The following MARCHF1 variants were observed in gnomAD, a reference collection of about 807,000 sequenced individuals.
The protein encoded by MARCHF1 is membrane associated ring-CH-type finger 1.
Under a neutral mutation model 54.2 loss-of-function variants are expected in MARCHF1, and 40 were observed. That is an observed-to-expected ratio of 0.74 (90% CI 0.57 to 0.96). The LOEUF (loss-of-function observed/expected upper bound fraction) is 0.96. Ranked by LOEUF, MARCHF1 falls within the 40% of genes least tolerant of loss-of-function variation. The pLI, the probability that MARCHF1 is intolerant of heterozygous loss-of-function variation, is 0.00. For synonymous variants in MARCHF1, 236 were observed against 236.3 expected (o/e 1.00, Z 0.01); for missense variants, 586 against 656.5 (o/e 0.89, Z 1.17).
intron 3 of MARCHF1, among the ~76,000 whole-genome samples, chr4:163,936,241 GA>G (rs1751792277): frequency 6.6e-6 from 1 of 152,062 alleles, no homozygotes; most frequent in Non-Finnish European, 1.5e-5. Flanking sequence ...TAATAATGAT[GA>G]AAAAGTTTGA....
In MARCHF1 at chr4:164,309,254, C is replaced by CTGTGTGTGTG. The variant is rs10577361; in HGVS notation, c.-323+74606_-323+74615dup. Among the ~76,000 whole-genome samples, 90 of 147,954 alleles carry CTGTGTGTGTG rather than the reference C, an allele frequency of 6.1e-4. 1 individual carries two copies. Among genetic ancestry groups the CTGTGTGTGTG allele is most frequent in the South Asian group, 4.5e-3 (21 of 4,660 alleles). On this transcript the variant is annotated intron_variant, in intron 1 of 9. Coordinates refer to ENST00000514618, the MANE Select transcript of MARCHF1 (RefSeq NM_001394959.1). ...TCCCAAGTGCTGGTTAATTTCTAAC[C>CTGTGTGTGTG]TGTGTGTGTGTGTGTGTGTGTGTGT...
Position 164,310,924 on chromosome 4 carries a change from C to G in MARCHF1, c.-323+72946G>C, listed in dbSNP as rs145632697. 2.4e-3 allele frequency among the ~76,000 whole-genome samples: 360 copies of G among 151,344 alleles called. 2 individuals carry two copies. The highest frequency in any genetic ancestry group is 8.3e-3 in the African/African-American group (344 of 41,424). On this transcript the variant is annotated intron_variant, in intron 1 of 9. Transcript: ENST00000514618. ...AGTGGGTCAATATTAAAAACTGAAA[C>G]AAACTCAATTTAGAGAACCTACTTC... is the stretch of plus-strand genomic sequence containing the variant.
chr4:164,023,877 C>G (rs574488851), intron 2 of MARCHF1, among the ~76,000 whole-genome samples: 2 of 152,102 alleles, frequency 1.3e-5, no homozygotes, highest in Non-Finnish European at 2.9e-5. Context: ...ATGAACTAAT[C>G]ATTTTAAGAA....
At chr4:164,006,668 A>T (rs1753295382) in intron 2 of MARCHF1, among the ~76,000 whole-genome samples, 1 of 152,102 alleles carries the variant, frequency 6.6e-6, no homozygotes, top group Admixed American at 6.5e-5. Context: ...GACTACCCCA[A>T]GGTATATAAT....
chr4:164,133,396 CTGTCAT>C (rs1756340566), intron 1 of MARCHF1, among the ~76,000 whole-genome samples: 1 of 152,194 alleles, frequency 6.6e-6, no homozygotes, highest in Admixed American at 6.5e-5. Context: ...TTTTTATCTA[CTGTCAT>C]TGTGATTCCC....
At chr4:164,351,509 C>T (rs1730333379) in intron 1 of MARCHF1, among the ~76,000 whole-genome samples, 6 of 151,856 alleles carry the variant, frequency 4.0e-5, no homozygotes, top group Admixed American at 3.9e-4. Flanking sequence ...CACACTGACA[C>T]CTCACACGGC....
chr4:164,061,203 C>T (rs1339266920), intron 2 of MARCHF1, among the ~76,000 whole-genome samples: 1 of 152,018 alleles, frequency 6.6e-6, no homozygotes, highest in African/African-American at 2.4e-5. Flanking sequence ...TTGTTGGTTC[C>T]ACTCACAATG....
At chr4:163,611,675 T>A (rs922597798) in intron 7 of MARCHF1, among the ~76,000 whole-genome samples, 8 of 152,100 alleles carry the variant, frequency 5.3e-5, no homozygotes, top group African/African-American at 1.9e-4. Context: ...AATATCCACA[T>A]GTTGAAACCT....
chr4:164,299,199 T>C (rs190258834), intron 1 of MARCHF1, among the ~76,000 whole-genome samples: 1 of 152,302 alleles, frequency 6.6e-6, no homozygotes, highest in Non-Finnish European at 1.5e-5. Context: ...GGAGGTAGTA[T>C]TATGTTCCTT....
chr4:164,282,807 A>G (rs1734058510), intron 1 of MARCHF1, among the ~76,000 whole-genome samples: 1 of 151,224 alleles, frequency 6.6e-6, no homozygotes, highest in African/African-American at 2.4e-5. Context: ...ATTTCCTTCC[A>G]TGTGATAATT....
intron 5 of MARCHF1, among the ~76,000 whole-genome samples, chr4:163,678,684 C>T (rs1308341612): frequency 6.6e-6 from 1 of 152,124 alleles, no homozygotes; most frequent in Admixed American, 6.5e-5. Context: ...TCTTCATTGC[C>T]TGTGTCTCTT....
At chr4:163,587,004 T>C (rs1026915534) in intron 7 of MARCHF1, among the ~76,000 whole-genome samples, 1 of 152,184 alleles carries the variant, frequency 6.6e-6, no homozygotes, top group Non-Finnish European at 1.5e-5. Context: ...ACTGGTTACA[T>C]AAAATTTGAG....
intron 1 of MARCHF1, among the ~76,000 whole-genome samples, chr4:164,130,955 A>G (rs1240007827): frequency 1.3e-5 from 2 of 152,192 alleles, no homozygotes; most frequent in Admixed American, 1.3e-4. Context: ...CATTGATAAA[A>G]ATGATTATCT....
At chr4:163,767,490 C>G (rs1561066519) in intron 4 of MARCHF1, among the ~76,000 whole-genome samples, 1 of 151,808 alleles carries the variant, frequency 6.6e-6, no homozygotes, top group Non-Finnish European at 1.5e-5. Context: ...CCCGCCACCA[C>G]ACCCAGCTAC....
intron 8 of MARCHF1, among the ~76,000 whole-genome samples, chr4:163,565,529 C>A (rs574511352): frequency 3.6e-4 from 55 of 152,264 alleles, no homozygotes; most frequent in African/African-American, 1.3e-3. Context: ...TAAAAGAAAA[C>A]GAATCCCACA....
At chr4:164,110,381 C>G (rs1290553221) in intron 2 of MARCHF1, among the ~76,000 whole-genome samples, 1 of 151,656 alleles carries the variant, frequency 6.6e-6, no homozygotes, top group Non-Finnish European at 1.5e-5. Flanking sequence ...TAAAATTTGT[C>G]TTTCTAAAGT....
intron 5 of MARCHF1, among the ~76,000 whole-genome samples, chr4:163,629,840 G>T (rs998180569): frequency 6.6e-6 from 1 of 151,994 alleles, no homozygotes. Flanking sequence ...ATTAAAAAAT[G>T]GATTTCTAAT....
intron 2 of MARCHF1, among the ~76,000 whole-genome samples, chr4:164,049,327 C>T (rs948151766): frequency 6.6e-6 from 1 of 152,176 alleles, no homozygotes; most frequent in Non-Finnish European, 1.5e-5. Context: ...CTCCCACCCA[C>T]CAGGTCCCTC....
chr4:164,124,505 G>C (rs1756139479), intron 1 of MARCHF1, among the ~76,000 whole-genome samples: 1 of 152,148 alleles, frequency 6.6e-6, no homozygotes, highest in Non-Finnish European at 1.5e-5. Context: ...GTTTATAATA[G>C]CTAAGATTCT....
Sources: allele counts gnomAD v4.1 joint callset (sites outside exome capture counted in the v4.1 genomes callset), GRCh38; gene constraint gnomAD v4.1.1; transcripts MANE v1.5; gene names NCBI Gene and HGNC (gene_info 2026-07-23, HGNC 2026-07-21).